GPAM: variants seen among roughly 807,000 people sequenced by gnomAD.
The protein encoded by GPAM is glycerol-3-phosphate acyltransferase 1, mitochondrial.
In GPAM, 56 loss-of-function variants were observed where a neutral mutation model predicts 105.0. The ratio of observed to expected loss-of-function variants is 0.53; its 90% CI spans 0.43 to 0.67. The LOEUF is 0.67. Ranked by LOEUF, GPAM falls within the 30% of genes least tolerant of loss-of-function variation. GPAM has a pLI of 0.00. For synonymous variants in GPAM, 368 were observed against 354.4 expected (o/e 1.04, Z -0.43); for missense variants, 855 against 989.8 (o/e 0.86, Z 1.83).
rs138470503 is a variant in GPAM at position 112,163,492 on chromosome 10, C to T, written c.1423+209G>A. Among the ~76,000 whole-genome samples the T allele has an allele frequency of 3.9e-3, 592 of 152,300 alleles. 4 individuals are homozygous for T. The highest frequency in any genetic ancestry group is 0.014 in the African/African-American group (571 of 41,564). On this transcript the variant is annotated intron_variant, in intron 14 of 21. Transcript: ENST00000348367. ...AAGTACAACAACTACCACATGAACA[C>T]CTACTAATTACCAGACACTGTATAA...
chr10:112,163,576 C>T (rs1847161838), intron 14 of GPAM, 125 bp downstream of exon 14: 1 of 685,296 alleles, frequency 1.5e-6, no homozygotes. Flanking sequence ...TAATAACTTA[C>T]CTATCACCAC....
At chr10:112,175,272 T>C (rs977830278) in intron 6 of GPAM, among the ~76,000 whole-genome samples, 1 of 152,222 alleles carries the variant, frequency 6.6e-6, no homozygotes, top group Admixed American at 6.5e-5. Flanking sequence ...GGAAATACAA[T>C]GTCTCCAACA....
At position 112,180,667 on chromosome 10, in the gene GPAM, TA is replaced by T; in HGVS notation, c.103-73del. On this transcript the variant is annotated intron_variant, in intron 3 of 21. Transcript: ENST00000348367. ...TACTTGTCTACTTGATCTCAAAATC[TA>T]AAGTATTTTGAACAGAAGAAAAACT... The T allele has an allele frequency of 4.4e-6, 6 of 1,366,108 alleles. No individual in the cohort carries two copies. In the South Asian group the frequency reaches 7.0e-5, roughly 16 times the overall value. The allele number at this position is 1,366,108 out of a possible 1,614,324, so 84.6% of individuals were successfully genotyped here.
intron 12 of GPAM, among the ~76,000 whole-genome samples, chr10:112,166,003 GT>G (rs1847209780): frequency 6.6e-6 from 1 of 152,012 alleles, no homozygotes; most frequent in Admixed American, 6.5e-5. Context: ...TTAGCTTTTT[GT>G]GGGGGGTTGG....
Position 112,180,571 on chromosome 10 carries a change from T to C in GPAM, c.127A>G (p.Ile43Val), listed in dbSNP as rs2792751. The C allele has an allele frequency of 0.73, 1,178,582 of 1,608,874 alleles. 434,741 individuals are homozygous for C. The highest frequency in any genetic ancestry group is 0.93 in the African/African-American group (69,787 of 74,926). The change falls in exon 4 of 22, where the codon ATC becomes GTC. Residue 43 changes from isoleucine (I) to valine (V), a missense_variant. Coordinates refer to ENST00000348367, the MANE Select transcript of GPAM (RefSeq NM_001244949.2). ...EWGECGFRPT[I>V]FRSATLKWKE... ...CATTTTAAAGTTGCAGATCTGAAGA[T>C]GGTGGGTCTAAAGCCACACTCACCC...
Position 112,152,280 on chromosome 10 carries a change from A to T in GPAM, c.*1270T>A. On this transcript the variant is annotated 3_prime_UTR_variant, in exon 22 of 22. Coordinates refer to ENST00000348367, the MANE Select transcript of GPAM (RefSeq NM_001244949.2). ...TATTTAAAAAATCACCATAATTACC[A>T]TAATAAACCAATAATTATGCTCCCT... 1.0e-6 allele frequency: 1 copy of T among 982,080 alleles called. No individual in the cohort carries two copies. The highest frequency in any genetic ancestry group is 1.2e-6 in the Non-Finnish European group (1 of 826,858). The allele number at this position is 982,080 out of a possible 1,614,324, so 60.8% of individuals were successfully genotyped here.
At chr10:112,223,706 A>G in the GPAM span, among the ~76,000 whole-genome samples, 3 of 152,224 alleles carry the variant, frequency 2.0e-5, no homozygotes, top group Non-Finnish European at 4.4e-5. Context: ...AACTTTTCTG[A>G]AAAGAACAAA....
chr10:112,176,279 C>T (rs936247559), intron 5 of GPAM, among the ~76,000 whole-genome samples: 1 of 152,160 alleles, frequency 6.6e-6, no homozygotes, highest in African/African-American at 2.4e-5. Context: ...GCCAGAATTT[C>T]TCACTTTTTC....
At chr10:112,207,692 T>C (rs1030211631) in intron 1 of GPAM, among the ~76,000 whole-genome samples, 1 of 152,190 alleles carries the variant, frequency 6.6e-6, no homozygotes, top group Admixed American at 6.5e-5. Flanking sequence ...CCAACAACCA[T>C]GTTTGGCCTT....
rs557415511 is a variant in GPAM, at chr10:112,181,785, G to A, written c.-1C>T. The A allele has an allele frequency of 2.6e-6, 4 of 1,535,608 alleles. No homozygotes were observed. The African/African-American group carries it at 4.1e-5, about 16-fold the overall frequency. On this transcript the variant is annotated 5_prime_UTR_variant, in exon 3 of 22. Transcript: ENST00000348367. ...CAAGGGTCAGTGCAGATTCATCCAT[G>A]TCACAAAGTGTAATTCCCAAATCAT...
At chr10:112,168,645 T>A (rs530024871) in intron 10 of GPAM, 121 bp from the exon 11 acceptor site, 1 of 756,118 alleles carries the variant, frequency 1.3e-6, no homozygotes, top group African/African-American at 1.7e-5. Context: ...TGACAAAGTA[T>A]CTTATTCACA....
In GPAM at chr10:112,151,113, G is replaced by GTT. The variant is rs559477400; in HGVS notation, c.*2435_*2436dup. ...CTGCAGTTTCATGTTGTTTAATATT[G>GTT]TTTTTTTTTTTTAACTTGACCACAG... On this transcript the variant is annotated 3_prime_UTR_variant, in exon 22 of 22. Coordinates refer to ENST00000348367, the MANE Select transcript of GPAM (RefSeq NM_001244949.2). 1,709 of 736,076 alleles carry GTT rather than the reference G, an allele frequency of 2.3e-3. 11 individuals are homozygous for GTT. The highest frequency in any genetic ancestry group is 0.021 in the African/African-American group (1,097 of 51,994). 45.6% of individuals were successfully genotyped at this position (736,076 alleles called of 1,614,324 possible).
intron 14 of GPAM, 75 bp downstream of exon 14, chr10:112,163,626 C>A: frequency 1.3e-6 from 1 of 796,298 alleles, no homozygotes; most frequent in South Asian, 1.4e-5. Context: ...TCAGCAGATT[C>A]CAAAATCTGT....
the GPAM span, among the ~76,000 whole-genome samples, chr10:112,221,609 T>C: frequency 6.6e-6 from 1 of 152,192 alleles, no homozygotes; most frequent in South Asian, 2.1e-4. Context: ...TCCTGAAAGC[T>C]CTGGAAAATG....
Position 112,172,275 on chromosome 10 carries a change from A to G in GPAM, c.701T>C (p.Ile234Thr). The change falls in exon 9 of 22, where the codon ATT (isoleucine) becomes ACT (threonine). Residue 234 changes from isoleucine to threonine, a missense_variant. Physicochemically the swap from Ile to Thr is moderately conservative, Grantham distance 89 (BLOSUM62 -1). Coordinates refer to ENST00000348367, the MANE Select transcript of GPAM (RefSeq NM_001244949.2). ...AATGAAAGTGAGCAGCAGATAGTCA[A>G]TATGGGATCTATGAACTGGTAGAAA... ...LLFLPVHRSH[I>T]DYLLLTFILF... is the part of the protein sequence containing the mutation. 1 of 1,611,758 alleles carries G rather than the reference A, an allele frequency of 6.2e-7. No individual in the cohort carries two copies. Among genetic ancestry groups the G allele is most frequent in the Non-Finnish European group, 8.5e-7 (1 of 1,177,864 alleles).
rs1329331801 is a variant in GPAM at position 112,175,686 on chromosome 10, A to C, written c.327T>G (p.Leu109=). The change falls in exon 6 of 22, where the codon CTT becomes CTG. Residue 109 remains leucine, a synonymous_variant. Transcript: ENST00000348367. Reference sequence around the variant, plus strand: ...GCTCTTGAATAAAAAGAACGTAAGAAAGGCGTCTTGCAAGCCATCCGCGGT... The same window carrying C: ...GCTCTTGAATAAAAAGAACGTAAGACAGGCGTCTTGCAAGCCATCCGCGGT... The part of the protein sequence containing the change: ...TRHRGWLARR[L]SYVLFIQERD... 6.2e-7 allele frequency: 1 copy of C among 1,612,856 alleles called. No individual in the cohort carries two copies. Among genetic ancestry groups the C allele is most frequent in the East Asian group, 2.2e-5 (1 of 44,872 alleles).
chr10:112,211,502 C>G (rs1020474941), intron 1 of GPAM, among the ~76,000 whole-genome samples: 1 of 152,162 alleles, frequency 6.6e-6, no homozygotes, highest in African/African-American at 2.4e-5. Flanking sequence ...GATTCAAATC[C>G]TATTGGTTCA....
At chr10:112,194,476 T>G (rs539190926) in intron 1 of GPAM, among the ~76,000 whole-genome samples, 11 of 152,242 alleles carry the variant, frequency 7.2e-5, no homozygotes, top group Non-Finnish European at 1.3e-4. Flanking sequence ...TTCCTAAGTA[T>G]TGCTTAAGAA....
chr10:112,190,102 CAAAT>C (rs1335055916), intron 1 of GPAM, among the ~76,000 whole-genome samples: 1 of 152,020 alleles, frequency 6.6e-6, no homozygotes, highest in Non-Finnish European at 1.5e-5. Context: ...TAAATAGCTG[CAAAT>C]AAATAAATAT....
Sources: gnomAD v4.1 joint callset for allele counts (sites outside exome capture counted in the v4.1 genomes callset) on GRCh38, gnomAD v4.1.1 for gene constraint, MANE v1.5 for transcripts, NCBI Gene and HGNC (gene_info 2026-07-23, HGNC 2026-07-21) for gene names.